The following LRRC75A variants were observed in gnomAD, a reference collection of about 807,000 sequenced individuals.
LRRC75A encodes leucine-rich repeat-containing protein 75A.
A neutral mutation model predicts 26.0 loss-of-function variants in LRRC75A; 12 were observed. The observed-to-expected ratio is 0.46, with a 90% CI of 0.30 to 0.75. LRRC75A has a LOEUF of 0.75. LRRC75A is among the 30% of genes least tolerant of loss of function. The probability of loss-of-function intolerance (pLI) is 0.08; values close to 1 mark genes in which losing one functional copy is unlikely to be tolerated. For synonymous variants in LRRC75A, 223 were observed against 219.3 expected (o/e 1.02, Z -0.15); for missense variants, 410 against 486.6 (o/e 0.84, Z 1.48).
At chr17:16,456,096 AAGG>A (rs2093675260) in intron 2 of LRRC75A, among the ~76,000 whole-genome samples, 10 of 128,366 alleles carry the variant, frequency 7.8e-5, no homozygotes, top group African/African-American at 3.0e-4. Context: ...GAGGAGGAGG[AAGG>A]GGAGGGGGAG....
In LRRC75A at chr17:16,479,190, G is replaced by A. The variant is rs544818500; in HGVS notation, c.246+12555C>T. On this transcript the variant is annotated intron_variant, in intron 1 of 3. Coordinates refer to ENST00000470794, the MANE Select transcript of LRRC75A (RefSeq NM_001113567.3). ...ATCCTCTTTGAGAGCCAGAGACAAG[G>A]AGTGGCCTGTGCAGGGTCATACAGG... Among the ~76,000 whole-genome samples, 3 of 152,352 alleles carry A rather than the reference G, an allele frequency of 2.0e-5. No individual in the cohort carries two copies. In the South Asian group the frequency reaches 6.2e-4, roughly 32 times the overall value.
chr17:16,466,895 T>C (rs1467574651), intron 1 of LRRC75A, among the ~76,000 whole-genome samples: 2 of 152,152 alleles, frequency 1.3e-5, no homozygotes, highest in Admixed American at 1.3e-4. Flanking sequence ...GAAGCACCCT[T>C]AAGACCATTT....
chr17:16,447,986 G>A, intron 2 of LRRC75A, 26 bp from the exon 3 acceptor site: 4 of 1,534,458 alleles, frequency 2.6e-6, no homozygotes, highest in Non-Finnish European at 3.5e-6. Flanking sequence ...TGGGTGGTAG[G>A]GCCCTGAGTG....
At chr17:16,444,275 G>T in intron 3 of LRRC75A, 144 bp from the exon 4 acceptor site, 1 of 681,098 alleles carries the variant, frequency 1.5e-6, no homozygotes, top group Non-Finnish European at 2.4e-6. Flanking sequence ...CAAGTGCAGA[G>T]GTGGGAGCAA....
At chr17:16,455,418 C>T (rs1314298312) in intron 2 of LRRC75A, among the ~76,000 whole-genome samples, 3 of 151,378 alleles carry the variant, frequency 2.0e-5, no homozygotes, top group South Asian at 4.2e-4. Flanking sequence ...CTTGCTCTGT[C>T]GCCCGGCTGG....
intron 2 of LRRC75A, among the ~76,000 whole-genome samples, chr17:16,458,900 CTGT>C (rs1252548713): frequency 6.6e-6 from 1 of 152,210 alleles, no homozygotes; most frequent in Non-Finnish European, 1.5e-5. Flanking sequence ...CAATAAATGT[CTGT>C]TGTTTTAAGC....
chr17:16,458,036 G>A (rs1253198484), intron 2 of LRRC75A, among the ~76,000 whole-genome samples: 1 of 152,082 alleles, frequency 6.6e-6, no homozygotes, highest in Non-Finnish European at 1.5e-5. Flanking sequence ...CAGGCATAGT[G>A]GCTCACACCT....
rs2093531844 is a variant in LRRC75A at position 16,442,037 on chromosome 17, T to A, written c.*1551A>T. On this transcript the variant is annotated 3_prime_UTR_variant, in exon 4 of 4. Transcript: ENST00000470794. ...GTGTCAATTCTTGAAAATGTGTATT[T>A]GAAGAAAAAGTAAATTTCGCCTACT... The A allele has an allele frequency of 6.6e-6, 1 of 152,450 alleles. No homozygotes were observed. The highest frequency in any genetic ancestry group is 1.5e-5 in the Non-Finnish European group (1 of 68,244). 9.4% of individuals were successfully genotyped at this position (152,450 alleles called of 1,614,324 possible).
chr17:16,462,687 G>A lies in LRRC75A; in HGVS notation c.247-301C>T. The A allele has an allele frequency of 2.9e-6, 1 of 350,430 alleles. No homozygotes were observed. The highest frequency in any genetic ancestry group is 5.2e-6 in the Non-Finnish European group (1 of 191,846). 21.7% of individuals were successfully genotyped at this position (350,430 alleles called of 1,614,324 possible). On this transcript the variant is annotated intron_variant, in intron 1 of 3. Transcript: ENST00000470794. This position sits in a 1 kb window ranked among gnomAD's most constrained non-coding sequence, Gnocchi z 4.6. ...TCTCTCTGGTTTTCCAGAGGAGGAAGCCAAGGGTGGCCTGCCTCGGTGCAA... is the reference window on the plus strand; with the variant it reads ...TCTCTCTGGTTTTCCAGAGGAGGAAACCAAGGGTGGCCTGCCTCGGTGCAA...
intron 1 of LRRC75A, among the ~76,000 whole-genome samples, chr17:16,486,722 C>A (rs2093847846): frequency 1.3e-5 from 2 of 152,194 alleles, no homozygotes; most frequent in African/African-American, 4.8e-5. Flanking sequence ...CTCCTCTCTC[C>A]AAGAACACCA....
At chr17:16,456,113 GAGGAGTAGCAGTAGT>G (rs2093675845) in intron 2 of LRRC75A, among the ~76,000 whole-genome samples, 1 of 149,368 alleles carries the variant, frequency 6.7e-6, no homozygotes, top group African/African-American at 2.5e-5. Flanking sequence ...GGGGGAGGAG[GAGGAGTAGCAGTAGT>G]AGGAGGAGGA....
In LRRC75A at chr17:16,482,388, G is replaced by A. The variant is rs557421319; in HGVS notation, c.246+9357C>T. Among the ~76,000 whole-genome samples, 4 of 152,268 alleles carry A rather than the reference G, an allele frequency of 2.6e-5. No individual in the cohort carries two copies. In the East Asian group the frequency reaches 5.8e-4, roughly 22 times the overall value. On this transcript the variant is annotated intron_variant, in intron 1 of 3. Transcript: ENST00000470794. ...TGGAGGGGGCACTGCAGGGGGTTCC[G>A]AGATAGCTGGGGGCTCTTCCCACAG... is the stretch of plus-strand genomic sequence containing the variant.
intron 1 of LRRC75A, among the ~76,000 whole-genome samples, chr17:16,481,994 C>T (rs761610088): frequency 8.5e-5 from 13 of 152,128 alleles, no homozygotes; most frequent in African/African-American, 1.2e-4. Flanking sequence ...GCCAGGTGCG[C>T]GGTGTCTACT....
In LRRC75A at chr17:16,443,879, G is replaced by C; in HGVS notation, c.744C>G (p.Arg248=). The C allele has an allele frequency of 6.2e-7, 1 of 1,613,460 alleles. No individual in the cohort carries two copies. ...NGNRLTRAVL[R]DLTDILKDPS... ...GATCCTTAAGGATGTCAGTGAGGTC[G>C]CGCAGCACGGCCCGGGTCAACCGGT... Residue 248 remains arginine, a synonymous_variant, in exon 4 of 4, where the codon CGC becomes CGG. Transcript: ENST00000470794.
At chr17:16,468,612 G>C (rs1400985758) in intron 1 of LRRC75A, among the ~76,000 whole-genome samples, 3 of 152,248 alleles carry the variant, frequency 2.0e-5, no homozygotes, top group Non-Finnish European at 4.4e-5. Flanking sequence ...CGTTTTGCAA[G>C]ATGAGAGTTC....
intron 1 of LRRC75A, among the ~76,000 whole-genome samples, chr17:16,476,732 ATTTTTTTTTTT>A (rs1170298700): frequency 1.3e-5 from 1 of 75,530 alleles, no homozygotes; most frequent in Non-Finnish European, 2.3e-5. Flanking sequence ...TGCCTGGCTG[ATTTTTTTTTTT>A]TTTTTTTTTT....
intron 1 of LRRC75A, among the ~76,000 whole-genome samples, chr17:16,476,377 A>T (rs1462669689): frequency 9.4e-5 from 14 of 149,300 alleles, no homozygotes; most frequent in African/African-American, 2.5e-4. Flanking sequence ...CAAAAAAAAA[A>T]ATTTTTTTTT....
intron 1 of LRRC75A, among the ~76,000 whole-genome samples, chr17:16,486,142 T>C (rs2093846666): frequency 1.3e-5 from 2 of 152,150 alleles, no homozygotes; most frequent in Non-Finnish European, 2.9e-5. Context: ...TTATGGCCTC[T>C]GCCCCAGAAA....
At position 16,452,026 on chromosome 17, in the gene LRRC75A, G is replaced by A. The variant is rs573564820; in HGVS notation, c.376-4066C>T. 2.5e-4 allele frequency among the ~76,000 whole-genome samples: 36 copies of A among 144,456 alleles called. No individual in the cohort carries two copies. In the South Asian group the frequency reaches 7.1e-3, roughly 28 times the overall value. The allele number at this position is 144,456 out of a possible 152,430, so 94.8% of individuals were successfully genotyped here. A position where few individuals can be genotyped will look rare whatever the true frequency, so the allele number is the denominator to read the frequency against. ...CCTCCCATTACAGGCGTTAGCCACCGCGCCCGGCCTGGAATCTCAGGGGAG... is the reference window on the plus strand; with the variant it reads ...CCTCCCATTACAGGCGTTAGCCACCACGCCCGGCCTGGAATCTCAGGGGAG... On this transcript the variant is annotated intron_variant, in intron 2 of 3. Transcript: ENST00000470794.
Sources: gnomAD v4.1 joint callset for allele counts (sites outside exome capture counted in the v4.1 genomes callset) on GRCh38, gnomAD v4.1.1 for gene constraint, Gnocchi (gnomAD v3.1) non-coding constraint, MANE v1.5 for transcripts, NCBI Gene and HGNC (gene_info 2026-07-23, HGNC 2026-07-21) for gene names.